Variants in CAMLG observed in about 807,000 individuals in gnomAD.
CAMLG encodes guided entry of tail-anchored proteins factor CAMLG.
Under a neutral mutation model 28.9 loss-of-function variants are expected in CAMLG, and 23 were observed. The observed-to-expected ratio is 0.80, with a 90% confidence interval of 0.57 to 1.13. The LOEUF (loss-of-function observed/expected upper bound fraction) is 1.13. Among genes scored for constraint, CAMLG ranks in the 50% most tolerant of loss-of-function variants. The pLI is 0.00. For synonymous variants in CAMLG, 141 were observed against 146.5 expected (o/e 0.96, Z 0.27); for missense variants, 367 against 371.9 (o/e 0.99, Z 0.11).
chr5:134,741,314 G>A lies in CAMLG; in HGVS notation c.424G>A (p.Asp142Asn), dbSNP rs1014541383. Residue 142 changes from aspartate (D) to asparagine (N), a missense_variant, in exon 2 of 4, where the codon GAC (aspartate) becomes AAC (asparagine). Asp to Asn is a conservative substitution (Grantham distance 23, BLOSUM62 1). Coordinates refer to ENST00000297156, the MANE Select transcript of CAMLG (RefSeq NM_001745.4). ...GCGGAACAGAGGGGACCTGACAGCG[G>A]ACTCGGTCCAGAGGGGTTCCCGCCA... is the stretch of plus-strand genomic sequence containing the variant. ...RQRNRGDLTA[D>N]SVQRGSRHGL... is the part of the protein sequence containing the mutation. 16 of 1,614,084 alleles carry A rather than the reference G, an allele frequency of 9.9e-6. No individual in the cohort carries two copies. The African/African-American group carries it at 2.1e-4, about 22-fold the overall frequency.
In CAMLG at chr5:134,744,010, T is replaced by C. The variant is rs1186540870; in HGVS notation, c.657T>C (p.Thr219=). 3 of 1,447,750 alleles carry C rather than the reference T, an allele frequency of 2.1e-6. No individual in the cohort carries two copies. Among genetic ancestry groups the C allele is most frequent in the African/African-American group, 1.4e-5 (1 of 71,618 alleles). 89.7% of individuals were successfully genotyped at this position (1,447,750 alleles called of 1,614,324 possible). ...KYLSIFAPFL[T]LQLAYMGLYK... is the part of the protein sequence containing the mutation. ...AGTCCATATTTGCTCCATTTCTTAC[T>C]TTACAACTTGCGTACATGGGATTAT... The change falls in exon 3 of 4, where the codon ACT becomes ACC. Residue 219 remains threonine, a synonymous_variant. Coordinates refer to ENST00000297156, the MANE Select transcript of CAMLG (RefSeq NM_001745.4).
At chr5:134,750,374 C>T (rs1753099798) in intron 3 of CAMLG, among the ~76,000 whole-genome samples, 1 of 152,002 alleles carries the variant, frequency 6.6e-6, no homozygotes, top group Non-Finnish European at 1.5e-5. Flanking sequence ...CCTGTCTCTA[C>T]TAAAAATACA....
intron 2 of CAMLG, among the ~76,000 whole-genome samples, chr5:134,741,903 G>A (rs1043058640): frequency 4.6e-5 from 7 of 152,070 alleles, no homozygotes; most frequent in African/African-American, 1.7e-4. Context: ...CCAGGATAAC[G>A]GCACTGCACT....
intron 1 of CAMLG, among the ~76,000 whole-genome samples, chr5:134,739,540 T>A (rs1454174474): frequency 6.6e-6 from 1 of 152,184 alleles, no homozygotes; most frequent in East Asian, 1.9e-4. Context: ...GTCCAATGAT[T>A]TTCTTTAAAA....
At chr5:134,745,954 C>G (rs1257267338) in intron 3 of CAMLG, among the ~76,000 whole-genome samples, 2 of 151,108 alleles carry the variant, frequency 1.3e-5, no homozygotes, top group Non-Finnish European at 2.9e-5. Flanking sequence ...GCCTGACCAA[C>G]ATGGAGAAAC....
chr5:134,749,932 T>C (rs1753093697), intron 3 of CAMLG, among the ~76,000 whole-genome samples: 1 of 152,126 alleles, frequency 6.6e-6, no homozygotes, highest in South Asian at 2.1e-4. Flanking sequence ...CTTAAACTCC[T>C]AGGCTCAAGC....
At chr5:134,750,062 A>G (rs922387728) in intron 3 of CAMLG, among the ~76,000 whole-genome samples, 1 of 152,214 alleles carries the variant, frequency 6.6e-6, no homozygotes, top group African/African-American at 2.4e-5. Flanking sequence ...TTATTTACAT[A>G]AAACACTGGA....
chr5:134,742,017 A>C (rs1182231619), intron 2 of CAMLG, among the ~76,000 whole-genome samples: 1 of 152,210 alleles, frequency 6.6e-6, no homozygotes, highest in Admixed American at 6.6e-5. Context: ...AAATAATACA[A>C]ATAAAAACAG....
intron 2 of CAMLG, 43 bp downstream of exon 2, chr5:134,741,566 T>C: frequency 7.9e-7 from 1 of 1,263,312 alleles, no homozygotes; most frequent in African/African-American, 1.5e-5. Flanking sequence ...TAATGGAAAA[T>C]GCAAAATGTT....
intron 2 of CAMLG, among the ~76,000 whole-genome samples, chr5:134,742,802 G>C (rs1357948876): frequency 6.6e-6 from 1 of 151,782 alleles, no homozygotes; most frequent in Admixed American, 6.6e-5. Flanking sequence ...GCAGTGATGT[G>C]ATCTTGGCTC....
chr5:134,739,504 G>C (rs1462713496), intron 1 of CAMLG, among the ~76,000 whole-genome samples: 1 of 152,170 alleles, frequency 6.6e-6, no homozygotes, highest in Non-Finnish European at 1.5e-5. Context: ...TCTAAGGAGA[G>C]CGCCTCCTTC....
In CAMLG at chr5:134,738,560, C is replaced by A. The variant is rs1397667379; in HGVS notation, c.-61C>A. The A allele has an allele frequency of 9.3e-6, 13 of 1,403,240 alleles. No homozygotes were observed. The highest frequency in any genetic ancestry group is 1.3e-5 in the Non-Finnish European group (13 of 1,039,376). The allele number at this position is 1,403,240 out of a possible 1,614,324, so 86.9% of individuals were successfully genotyped here. On this transcript the variant is annotated 5_prime_UTR_variant, in exon 1 of 4. Coordinates refer to ENST00000297156, the MANE Select transcript of CAMLG (RefSeq NM_001745.4). Reference sequence around the variant, plus strand: ...CCTGCGGCCCGGCCTCTAGTCATCGCCCTCGCAGCGGCGGCCAACATCACC... The same window carrying A: ...CCTGCGGCCCGGCCTCTAGTCATCGACCTCGCAGCGGCGGCCAACATCACC...
intron 3 of CAMLG, among the ~76,000 whole-genome samples, chr5:134,750,108 A>G (rs1282744635): frequency 6.6e-6 from 1 of 152,194 alleles, no homozygotes; most frequent in Non-Finnish European, 1.5e-5. Context: ...TATGTCACAC[A>G]TTATCCATGT....
At chr5:134,748,932 T>C (rs1753081494) in intron 3 of CAMLG, among the ~76,000 whole-genome samples, 1 of 152,202 alleles carries the variant, frequency 6.6e-6, no homozygotes, top group Non-Finnish European at 1.5e-5. Context: ...ATTGTATGAC[T>C]ATATCCATTT....
At chr5:134,744,997 T>G (rs575996151) in intron 3 of CAMLG, among the ~76,000 whole-genome samples, 1 of 152,366 alleles carries the variant, frequency 6.6e-6, no homozygotes, top group South Asian at 2.1e-4. Context: ...TACTTGGCTG[T>G]CTGCGTGTTA....
At chr5:134,744,774 T>C (rs975754543) in intron 3 of CAMLG, among the ~76,000 whole-genome samples, 2 of 152,220 alleles carry the variant, frequency 1.3e-5, no homozygotes, top group African/African-American at 4.8e-5. Context: ...GGACACTTAA[T>C]AGCAGTGCAC....
intron 1 of CAMLG, among the ~76,000 whole-genome samples, chr5:134,739,695 G>A (rs1237681846): frequency 5.3e-5 from 8 of 152,112 alleles, no homozygotes; most frequent in Non-Finnish European, 7.3e-5. Flanking sequence ...AAGGCTTTAG[G>A]TGTATAGCTC....
intron 3 of CAMLG, among the ~76,000 whole-genome samples, chr5:134,746,233 GAAA>G (rs964104438): frequency 1.4e-5 from 2 of 139,518 alleles, no homozygotes; most frequent in African/African-American, 5.2e-5. Context: ...AATATTAAGA[GAAA>G]AAAAAACAAA....
chr5:134,738,594 C>T lies in CAMLG; in HGVS notation c.-27C>T, dbSNP rs1361653996. 5 of 1,562,036 alleles carry T rather than the reference C, an allele frequency of 3.2e-6. No individual in the cohort carries two copies. Among genetic ancestry groups the T allele is most frequent in the Non-Finnish European group, 4.3e-6 (5 of 1,156,658 alleles). ...CGGCGGCCAACATCACCGCCACTGC[C>T]ACCCCTCCCAGACTGTGGACGGGAG... is the stretch of plus-strand genomic sequence containing the variant. On this transcript the variant is annotated 5_prime_UTR_variant, in exon 1 of 4. Coordinates refer to ENST00000297156, the MANE Select transcript of CAMLG (RefSeq NM_001745.4).
Sources: allele counts gnomAD v4.1 joint callset (sites outside exome capture counted in the v4.1 genomes callset), GRCh38; gene constraint gnomAD v4.1.1; transcripts MANE v1.5; gene names NCBI Gene and HGNC (gene_info 2026-07-23, HGNC 2026-07-21).